Variants in TBCCD1 observed in about 807,000 individuals in gnomAD.
TBCCD1 encodes TBCC domain-containing protein 1.
In TBCCD1, 26 loss-of-function variants were observed where a neutral mutation model predicts 53.4. The observed-to-expected ratio is 0.49, with a 90% confidence interval of 0.36 to 0.68. TBCCD1 has a LOEUF of 0.68. Ranked by LOEUF, TBCCD1 falls within the 30% of genes least tolerant of loss-of-function variation. The pLI is 0.00. For missense variants in TBCCD1, 558 were observed against 669.5 expected (o/e 0.83, Z 1.84); for synonymous variants, 245 against 241.7 (o/e 1.01, Z -0.13).
intron 7 of TBCCD1, 127 bp downstream of exon 7, chr3:186,551,002 G>T: frequency 1.2e-6 from 1 of 847,018 alleles, no homozygotes; most frequent in Non-Finnish European, 1.7e-6. Flanking sequence ...GTACATAAAG[G>T]TCCGTGTATG....
intron 2 of TBCCD1, among the ~76,000 whole-genome samples, chr3:186,562,120 T>C (rs1172976801): frequency 6.6e-6 from 1 of 152,050 alleles, no homozygotes; most frequent in East Asian, 1.9e-4. Context: ...GGTGGGAGGA[T>C]CACTTGAGGC....
intron 2 of TBCCD1, among the ~76,000 whole-genome samples, chr3:186,560,461 T>C (rs1317490741): frequency 6.6e-6 from 1 of 152,254 alleles, no homozygotes; most frequent in East Asian, 1.9e-4. Flanking sequence ...ATTTCCCATC[T>C]TCCTTTGGAG....
chr3:186,550,847 G>A (rs1714352837), intron 7 of TBCCD1, among the ~76,000 whole-genome samples: 1 of 152,166 alleles, frequency 6.6e-6, no homozygotes, highest in East Asian at 1.9e-4. Context: ...ATGTATGGGG[G>A]AATGTGGTAT....
chr3:186,562,301 C>T (rs180849074), intron 2 of TBCCD1, among the ~76,000 whole-genome samples: 2 of 152,348 alleles, frequency 1.3e-5, no homozygotes, highest in African/African-American at 4.8e-5. Flanking sequence ...GCTATGATTA[C>T]ATCCCTGTAC....
rs1189315416 is a variant in TBCCD1, at chr3:186,546,491, C to T, written c.*486G>A. On this transcript the variant is annotated 3_prime_UTR_variant, in exon 8 of 8. Coordinates refer to ENST00000338733, the MANE Select transcript of TBCCD1 (RefSeq NM_018138.5). ...AGTCAGAAGTTTAGCGAAAATTCGG[C>T]CTAAACAGTAATAAATGAAAATGGA... 6.6e-6 allele frequency: 1 copy of T among 152,038 alleles called. No homozygotes were observed. The highest frequency in any genetic ancestry group is 1.5e-5 in the Non-Finnish European group (1 of 67,996). The allele number at this position is 152,038 out of a possible 1,614,324, so 9.4% of individuals were successfully genotyped here. A position where few individuals can be genotyped will look rare whatever the true frequency, so the allele number is the denominator to read the frequency against.
At chr3:186,551,754 C>T (rs755848762) in intron 6 of TBCCD1, among the ~76,000 whole-genome samples, 1 of 152,164 alleles carries the variant, frequency 6.6e-6, no homozygotes, top group Non-Finnish European at 1.5e-5. Context: ...GCGGGTGGAT[C>T]GCTTGAGGCC....
Position 186,555,091 on chromosome 3 carries a change from A to T in TBCCD1, c.860-7T>A. 1 of 1,588,552 alleles carries T rather than the reference A, an allele frequency of 6.3e-7. No homozygotes were observed. The highest frequency in any genetic ancestry group is 8.6e-7 in the Non-Finnish European group (1 of 1,168,504). On this transcript the variant is annotated splice_polypyrimidine_tract_variant and splice_region_variant and intron_variant, in intron 4 of 7. Coordinates refer to ENST00000338733, the MANE Select transcript of TBCCD1 (RefSeq NM_018138.5). Reference sequence around the variant, plus strand: ...CTTTTGGTGGTCCCTTCAACTATTTAAGAAAACATATAAATAGATGAGGCA... The same window carrying T: ...CTTTTGGTGGTCCCTTCAACTATTTTAGAAAACATATAAATAGATGAGGCA...
In TBCCD1 at chr3:186,566,106, C is replaced by T. The variant is rs558979693; in HGVS notation, c.-44+1161G>A. Among the ~76,000 whole-genome samples the T allele has an allele frequency of 2.7e-4, 41 of 151,352 alleles. No individual in the cohort carries two copies. In the South Asian group the frequency reaches 8.3e-3, roughly 31 times the overall value. Reference sequence around the variant, plus strand: ...AGGCTGGAGTGCAATAGCTCGATCTCGGCTCATTGCAACCTCCACCTCCCA... The same window carrying T: ...AGGCTGGAGTGCAATAGCTCGATCTTGGCTCATTGCAACCTCCACCTCCCA... On this transcript the variant is annotated intron_variant, in intron 1 of 7. Coordinates refer to ENST00000338733, the MANE Select transcript of TBCCD1 (RefSeq NM_018138.5).
intron 1 of TBCCD1, among the ~76,000 whole-genome samples, chr3:186,566,902 C>T (rs1479484731): frequency 2.0e-5 from 3 of 152,232 alleles, no homozygotes; most frequent in Non-Finnish European, 2.9e-5. Flanking sequence ...CTGTCAACAG[C>T]CAGATCCCAG....
intron 2 of TBCCD1, among the ~76,000 whole-genome samples, chr3:186,561,703 G>A (rs1714694226): frequency 6.6e-6 from 1 of 152,062 alleles, no homozygotes; most frequent in South Asian, 2.1e-4. Flanking sequence ...GCAGGAGAAT[G>A]GTGTGAACCT....
chr3:186,553,168 T>G (rs541250058), intron 6 of TBCCD1, among the ~76,000 whole-genome samples: 4 of 152,334 alleles, frequency 2.6e-5, no homozygotes, highest in Admixed American at 2.6e-4. Context: ...TTGAAAACAC[T>G]GACTCAGAGT....
rs765863875 is a variant in TBCCD1, at chr3:186,554,264, G to A, written c.1534C>T (p.His512Tyr). 3.7e-6 allele frequency: 6 copies of A among 1,612,160 alleles called. No homozygotes were observed. In the South Asian group the frequency reaches 5.5e-5, roughly 15 times the overall value. ...QIWQKTVKEA[H>Y]LTKDQRKQFQ... The stretch of plus-strand genomic sequence containing the variant: ...GTAAAAAATACTCACTTTGTCAAAT[G>A]AGCCTCCTTCACAGTTTTCTGCCAG... Residue 512 changes from histidine (H) to tyrosine (Y), a missense_variant, in exon 6 of 8, where the codon CAT becomes TAT. Physicochemically the swap from His to Tyr is moderately conservative, Grantham distance 83 (BLOSUM62 2). Coordinates refer to ENST00000338733, the MANE Select transcript of TBCCD1 (RefSeq NM_018138.5).
intron 1 of TBCCD1, among the ~76,000 whole-genome samples, chr3:186,565,979 G>A (rs1714816882): frequency 6.6e-6 from 1 of 151,260 alleles, no homozygotes; most frequent in Non-Finnish European, 1.5e-5. Flanking sequence ...TTATATGACT[G>A]ATGAAAATTT....
At chr3:186,566,267 C>T (rs1714828172) in intron 1 of TBCCD1, among the ~76,000 whole-genome samples, 1 of 152,210 alleles carries the variant, frequency 6.6e-6, no homozygotes, top group East Asian at 1.9e-4. Flanking sequence ...CTTGAACTCC[C>T]TGACCTCAGG....
At chr3:186,554,185 T>A (rs540678982) in intron 6 of TBCCD1, 69 bp downstream of exon 6, 1 of 1,584,978 alleles carries the variant, frequency 6.3e-7, no homozygotes, top group East Asian at 2.2e-5. Context: ...TGTAAAAATG[T>A]GCAGACTAAT....
rs958909705 is a variant in TBCCD1 at position 186,566,069 on chromosome 3, G to A, written c.-44+1198C>T. Among the ~76,000 whole-genome samples, 5 of 148,122 alleles carry A rather than the reference G, an allele frequency of 3.4e-5. No homozygotes were observed. The Admixed American group carries it at 3.4e-4, about 10-fold the overall frequency. ...TTTTTTTTTTTTGAGACGGAGTCTC[G>A]CTCTGTTGCCCAGGCTGGAGTGCAA... On this transcript the variant is annotated intron_variant, in intron 1 of 7. Coordinates refer to ENST00000338733, the MANE Select transcript of TBCCD1 (RefSeq NM_018138.5).
At position 186,555,701 on chromosome 3, in the gene TBCCD1, A is replaced by G. The variant is rs150052625; in HGVS notation, c.860-617T>C. ...AGCGTCCTGAGGAGCTGAGATTACC[A>G]GTGCATGCCACCACGCCTGGCTAAT... On this transcript the variant is annotated intron_variant, in intron 4 of 7. Coordinates refer to ENST00000338733, the MANE Select transcript of TBCCD1 (RefSeq NM_018138.5). Among the ~76,000 whole-genome samples, 666 of 152,144 alleles carry G rather than the reference A, an allele frequency of 4.4e-3. 4 individuals are homozygous for G. The highest frequency in any genetic ancestry group is 0.013 in the African/African-American group (519 of 41,504).
At chr3:186,558,806 T>C (rs946753111) in intron 2 of TBCCD1, among the ~76,000 whole-genome samples, 2 of 152,156 alleles carry the variant, frequency 1.3e-5, no homozygotes, top group Non-Finnish European at 2.9e-5. Context: ...AATGATGCGA[T>C]CTCAGCTCAC....
At chr3:186,555,577 G>A (rs1246454948) in intron 4 of TBCCD1, among the ~76,000 whole-genome samples, 2 of 151,514 alleles carry the variant, frequency 1.3e-5, no homozygotes, top group African/African-American at 4.9e-5. Context: ...TCTTTTTTGT[G>A]AGACGGAGTC....
Sources: allele counts gnomAD v4.1 joint callset (sites outside exome capture counted in the v4.1 genomes callset), GRCh38; gene constraint gnomAD v4.1.1; transcripts MANE v1.5; gene names NCBI Gene and HGNC (gene_info 2026-07-23, HGNC 2026-07-21).